The following ZNF451 variants were observed in gnomAD, a reference collection of about 807,000 sequenced individuals.
The protein encoded by ZNF451 is E3 SUMO-protein ligase ZNF451.
Under a neutral mutation model 107.1 loss-of-function variants are expected in ZNF451, and 80 were observed. That is an observed-to-expected ratio of 0.75 (90% CI 0.62 to 0.90). The LOEUF (loss-of-function observed/expected upper bound fraction) is 0.90. Ranked by LOEUF, ZNF451 falls within the 40% of genes least tolerant of loss-of-function variation. The probability of loss-of-function intolerance (pLI) is 0.00; values close to 1 mark genes in which losing one functional copy is unlikely to be tolerated. For synonymous variants in ZNF451, 362 were observed against 406.5 expected (o/e 0.89, Z 1.32); for missense variants, 1,107 against 1,236.2 (o/e 0.90, Z 1.57).
At chr6:57,131,665 A>G (rs976308930) in intron 5 of ZNF451, among the ~76,000 whole-genome samples, 2 of 152,212 alleles carry the variant, frequency 1.3e-5, no homozygotes, top group Non-Finnish European at 2.9e-5. Context: ...TTAAAACCTT[A>G]ATCATATATA....
intron 3 of ZNF451, chr6:57,106,134 T>C: frequency 2.0e-6 from 2 of 985,134 alleles, no homozygotes; most frequent in Non-Finnish European, 2.4e-6. Flanking sequence ...AACAAGGAGG[T>C]TGAAAAAGAC....
In ZNF451 at chr6:57,133,145, T is replaced by C; in HGVS notation, c.528T>C (p.Cys176=). 1 of 1,614,124 alleles carries C rather than the reference T, an allele frequency of 6.2e-7. No individual in the cohort carries two copies. Among genetic ancestry groups the C allele is most frequent in the Non-Finnish European group, 8.5e-7 (1 of 1,179,986 alleles). The change falls in exon 6 of 15, where the codon TGT becomes TGC. Residue 176 remains cysteine (C), a synonymous_variant. Transcript: ENST00000370706. ...CAATTTTATGTCCTATAATGCACTG[T>C]AACAAGGAGTTTGACAATGGGCACC... ...GKPILCPIMH[C]NKEFDNGHLL...
intron 9 of ZNF451, among the ~76,000 whole-genome samples, chr6:57,144,549 T>C (rs1223044639): frequency 2.0e-5 from 3 of 152,156 alleles, no homozygotes; most frequent in African/African-American, 7.2e-5. Flanking sequence ...CCGTGAATTA[T>C]ATCTCAATAA....
chr6:57,119,300 G>T (rs1467644250), intron 3 of ZNF451, among the ~76,000 whole-genome samples: 1 of 152,168 alleles, frequency 6.6e-6, no homozygotes, highest in Non-Finnish European at 1.5e-5. Flanking sequence ...GCCAAGGCGG[G>T]CAGATCACCT....
At chr6:57,102,757 G>A in intron 3 of ZNF451, 2 of 985,398 alleles carry the variant, frequency 2.0e-6, no homozygotes, top group South Asian at 9.4e-5. Flanking sequence ...GATGTCGCAG[G>A]TCTATTATGG....
chr6:57,167,424 T>A (rs1229139055), intron 14 of ZNF451, among the ~76,000 whole-genome samples: 1 of 152,186 alleles, frequency 6.6e-6, no homozygotes, highest in Non-Finnish European at 1.5e-5. Flanking sequence ...TGTCCCCTTG[T>A]TTTTCTTTGG....
At chr6:57,143,102 C>G (rs985147351) in intron 9 of ZNF451, among the ~76,000 whole-genome samples, 1 of 152,012 alleles carries the variant, frequency 6.6e-6, no homozygotes, top group African/African-American at 2.4e-5. Flanking sequence ...ATCTAGAATA[C>G]AGGAATTTCT....
chr6:57,124,252 T>C (rs1298306796), intron 3 of ZNF451, among the ~76,000 whole-genome samples: 1 of 152,162 alleles, frequency 6.6e-6, no homozygotes, highest in Admixed American at 6.5e-5. Context: ...TCTATTAATA[T>C]AGGATCATGT....
At chr6:57,109,302 C>CT (rs1830007131) in intron 3 of ZNF451, 1 of 959,126 alleles carries the variant, frequency 1.0e-6, no homozygotes, top group Non-Finnish European at 1.2e-6. Context: ...CATATACACA[C>CT]ATTTTTTTTT....
At chr6:57,111,166 C>T (rs1247861108) in intron 3 of ZNF451, among the ~76,000 whole-genome samples, 1 of 152,042 alleles carries the variant, frequency 6.6e-6, no homozygotes, top group Non-Finnish European at 1.5e-5. Context: ...AGTGATCTGC[C>T]CACTTTGGCC....
rs1318678406 is a variant in ZNF451, at chr6:57,148,289, A to G, written c.2204A>G (p.Lys735Arg). 1.2e-6 allele frequency: 2 copies of G among 1,613,904 alleles called. No individual in the cohort carries two copies. The highest frequency in any genetic ancestry group is 1.6e-4 in the Middle Eastern group (1 of 6,084). ...RESYICKVNR[K>R]EDYSRCLQIM... ...AGTTACATCTGTAAAGTCAACAGAA[A>G]AGAAGATTATAGCAGATGTCTCCAA... is the stretch of plus-strand genomic sequence containing the variant. The change falls in exon 10 of 15, where the codon AAA (lysine) becomes AGA (arginine). Residue 735 changes from lysine to arginine, a missense_variant. Lys to Arg is a conservative substitution (Grantham distance 26, BLOSUM62 2). Around this residue, in one of 5 missense-constraint regions of ZNF451, gnomAD observed 608 missense variants for 649.2 expected, o/e 0.94. Transcript: ENST00000370706.
At chr6:57,151,556 T>C (rs531702456) in intron 11 of ZNF451, among the ~76,000 whole-genome samples, 8 of 152,248 alleles carry the variant, frequency 5.3e-5, no homozygotes, top group South Asian at 4.2e-4. Flanking sequence ...TTGTTTTTTT[T>C]CCCTCAAAGT....
chr6:57,141,000 T>G (rs1045247991), intron 7 of ZNF451, among the ~76,000 whole-genome samples: 2 of 152,208 alleles, frequency 1.3e-5, no homozygotes, highest in African/African-American at 4.8e-5. Flanking sequence ...TGCATTTATA[T>G]ATTACATGTG....
intron 2 of ZNF451, among the ~76,000 whole-genome samples, 165 bp from the exon 3 acceptor site, chr6:57,098,896 A>G (rs1338419861): frequency 2.0e-5 from 3 of 152,084 alleles, no homozygotes; most frequent in Admixed American, 6.6e-5. Flanking sequence ...TATATTTTGA[A>G]TATTTTCCTC....
Position 57,148,104 on chromosome 6 carries a change from T to A in ZNF451, c.2019T>A (p.Asp673Glu). Residue 673 changes from aspartate to glutamate, a missense_variant, in exon 10 of 15, where the codon GAT (aspartate) becomes GAA (glutamate). Transcript: ENST00000370706. ...TTAAATACTTCTGTGGGCTTTGTGATCTTATCTTTAATGTGGAAGAAGCAT... is the reference window on the plus strand; with the variant it reads ...TTAAATACTTCTGTGGGCTTTGTGAACTTATCTTTAATGTGGAAGAAGCAT... ...IKIKYFCGLC[D>E]LIFNVEEAFL... is the part of the protein sequence containing the mutation. 6.2e-7 allele frequency: 1 copy of A among 1,614,078 alleles called. No homozygotes were observed. The highest frequency in any genetic ancestry group is 2.2e-5 in the East Asian group (1 of 44,878).
At chr6:57,158,730 C>T (rs1306971907) in intron 13 of ZNF451, 1 of 985,272 alleles carries the variant, frequency 1.0e-6, no homozygotes, top group Non-Finnish European at 1.2e-6. Context: ...TTGAGAATTA[C>T]ATGTAATGAA....
chr6:57,121,022 T>C (rs1388547884), intron 3 of ZNF451, among the ~76,000 whole-genome samples: 1 of 152,236 alleles, frequency 6.6e-6, no homozygotes, highest in African/African-American at 2.4e-5. Flanking sequence ...TTGTATCTTG[T>C]ATTTTGTTCT....
At position 57,147,892 on chromosome 6, in the gene ZNF451, A is replaced by C. The variant is rs757083594; in HGVS notation, c.1807A>C (p.Arg603=). The C allele has an allele frequency of 1.9e-6, 3 of 1,614,102 alleles. No individual in the cohort carries two copies. The highest frequency in any genetic ancestry group is 2.5e-6 in the Non-Finnish European group (3 of 1,179,972). ...IDHSPANSSP[R]GKWQCRICED... ...TCATTCCCCGGCAAATAGTTCTCCG[A>C]GGGGTAAATGGCAATGCCGGATTTG... Residue 603 remains arginine (R), a synonymous_variant, in exon 10 of 15, where the codon AGG becomes CGG. Transcript: ENST00000370706.
chr6:57,133,038 G>T lies in ZNF451; in HGVS notation c.425-4G>T, dbSNP rs529005472. 8.1e-5 allele frequency: 130 copies of T among 1,614,006 alleles called. No homozygotes were observed. Among genetic ancestry groups the T allele is most frequent in the Admixed American group, 3.8e-4 (23 of 60,026 alleles). ...ACCTAAGAATTCATATTCTGATGAT[G>T]CAGGACTCAAAACAGGCACAATTAA... On this transcript the variant is annotated splice_region_variant and splice_polypyrimidine_tract_variant and intron_variant, in intron 5 of 14. Transcript: ENST00000370706.
Sources: allele counts gnomAD v4.1 joint callset (sites outside exome capture counted in the v4.1 genomes callset), GRCh38; gene constraint gnomAD v4.1.1; regional missense constraint gnomAD v4.1.1; transcripts MANE v1.5; gene names NCBI Gene and HGNC (gene_info 2026-07-23, HGNC 2026-07-21).